Variants in ZNF331 observed in about 807,000 individuals in gnomAD.
ZNF331 encodes C2H2-like zinc finger protein rearranged in thyroid adenomas.
Under a neutral mutation model 7.0 loss-of-function variants are expected in ZNF331, and 2 were observed. That is an observed-to-expected ratio of 0.29 (90% CI 0.12 to 0.90). The LOEUF (loss-of-function observed/expected upper bound fraction) is 0.90. Ranked by LOEUF, ZNF331 falls within the 40% of genes least tolerant of loss-of-function variation. ZNF331 has a pLI of 0.58. For missense variants in ZNF331, 432 were observed against 587.7 expected, an observed-to-expected ratio of 0.74 and a Z score of 2.74; for synonymous variants, 196 against 205.4, an observed-to-expected ratio of 0.95 and a Z score of 0.39.
intron 3 of ZNF331, among the ~76,000 whole-genome samples, chr19:53,562,691 A>G (rs2089951582): frequency 6.6e-6 from 1 of 151,532 alleles, no homozygotes; most frequent in Admixed American, 6.6e-5. Context: ...ATCCCATCTC[A>G]AAAAGAAAAA....
rs561255295 is a variant in ZNF331, at chr19:53,565,720, G to A, written c.-73-3584G>A. On this transcript the variant is annotated intron_variant, in intron 3 of 5. Coordinates refer to ENST00000449416, the MANE Select transcript of ZNF331 (RefSeq NM_001079906.2). ...ATTTGTATTTTTCTAGTAGGGACGG[G>A]GTTTCACCATGTTGGCCAGGCTGGT... is the stretch of plus-strand genomic sequence containing the variant. Among the ~76,000 whole-genome samples, 24 of 151,878 alleles carry A rather than the reference G, an allele frequency of 1.6e-4. 1 individual carries two copies. The highest frequency in any genetic ancestry group is 2.9e-5 in the Non-Finnish European group (2 of 67,942).
intron 3 of ZNF331, among the ~76,000 whole-genome samples, chr19:53,564,805 T>C (rs2090077070): frequency 1.3e-5 from 2 of 152,204 alleles, no homozygotes; most frequent in Non-Finnish European, 2.9e-5. Context: ...CTGGTTGTGA[T>C]ATTTTACTGT....
rs2089593194 is a variant in ZNF331, at chr19:53,558,795, A to C, written c.-74+2887A>C. ...CCAGGAACCATGGACAAGAACATAC[A>C]GACACACTCATACCCCATATATACA... On this transcript the variant is annotated intron_variant, in intron 3 of 5. Coordinates refer to ENST00000449416, the MANE Select transcript of ZNF331 (RefSeq NM_001079906.2). The surrounding 1 kb of genome is among the most constrained non-coding windows in gnomAD (Gnocchi z 4.5). Among the ~76,000 whole-genome samples, 1 of 151,816 alleles carries C rather than the reference A, an allele frequency of 6.6e-6. No individual in the cohort carries two copies. Among genetic ancestry groups the C allele is most frequent in the African/African-American group, 2.4e-5 (1 of 41,244 alleles).
At chr19:53,565,253 G>A (rs1321342720) in intron 3 of ZNF331, among the ~76,000 whole-genome samples, 2 of 152,220 alleles carry the variant, frequency 1.3e-5, no homozygotes, top group Non-Finnish European at 2.9e-5. Flanking sequence ...ACATCATTCT[G>A]TGGACAGCCA....
At chr19:53,559,510 ACATATATACACACATATACACACACGC>A (rs1348550100) in intron 3 of ZNF331, among the ~76,000 whole-genome samples, 1 of 150,256 alleles carries the variant, frequency 6.7e-6, no homozygotes, top group African/African-American at 2.4e-5. Context: ...ATACACACCT[ACATATATACACACATATACACACACGC>A]CATATATACA....
intron 4 of ZNF331, among the ~76,000 whole-genome samples, chr19:53,570,497 G>A (rs1172138439): frequency 5.3e-5 from 8 of 152,202 alleles, no homozygotes; most frequent in Admixed American, 2.0e-4. Flanking sequence ...ATGATGAACT[G>A]GAGGCTTGAA....
intron 2 of ZNF331, among the ~76,000 whole-genome samples, chr19:53,550,684 C>G (rs1437932553): frequency 2.0e-5 from 3 of 150,932 alleles, no homozygotes; most frequent in Non-Finnish European, 4.4e-5. Flanking sequence ...TTACAGGCTC[C>G]TGCCACCACG....
intron 3 of ZNF331, among the ~76,000 whole-genome samples, chr19:53,567,545 C>G (rs2090216130): frequency 6.6e-6 from 1 of 152,096 alleles, no homozygotes; most frequent in African/African-American, 2.4e-5. Context: ...AAACCGCCCT[C>G]AGGTTCAACA....
intron 2 of ZNF331, among the ~76,000 whole-genome samples, chr19:53,528,651 T>A (rs1012564606): frequency 2.0e-5 from 3 of 152,246 alleles, no homozygotes; most frequent in African/African-American, 4.8e-5. Flanking sequence ...TGTACCTTTT[T>A]AAATCTACTT....
rs1387474257 is a variant in ZNF331, at chr19:53,571,172, G to A, written c.10-432G>A. Among the ~76,000 whole-genome samples the A allele has an allele frequency of 1.3e-5, 2 of 151,832 alleles. No individual in the cohort carries two copies. The highest frequency in any genetic ancestry group is 2.4e-5 in the African/African-American group (1 of 41,332). ...TTGGGATTACAGGCGTGAGCCCCCC[G>A]CCCAGCCCCAGCAAACCCTATTTTC... On this transcript the variant is annotated intron_variant, in intron 4 of 5. Transcript: ENST00000449416. The surrounding 1 kb of genome is among the most constrained non-coding windows in gnomAD (Gnocchi z 4.7).
chr19:53,550,444 TATC>T (rs764298362), intron 2 of ZNF331, among the ~76,000 whole-genome samples: 4 of 151,998 alleles, frequency 2.6e-5, no homozygotes, highest in Non-Finnish European at 5.9e-5. Context: ...ATAATTAATA[TATC>T]ATCTTGACTG....
At position 53,579,139 on chromosome 19, in the gene ZNF331, C is replaced by G; in HGVS notation, c.*1187C>G. Reference sequence around the variant, plus strand: ...TGCTTACAGAATATCAGAAGTCATTCTAGAGGCAAATTTGAAGAGTGGAAA... The same window carrying G: ...TGCTTACAGAATATCAGAAGTCATTGTAGAGGCAAATTTGAAGAGTGGAAA... On this transcript the variant is annotated 3_prime_UTR_variant, in exon 6 of 6. Coordinates refer to ENST00000449416, the MANE Select transcript of ZNF331 (RefSeq NM_001079906.2). The G allele has an allele frequency of 4.9e-6, 1 of 202,586 alleles. No homozygotes were observed. The highest frequency in any genetic ancestry group is 1.0e-5 in the Non-Finnish European group (1 of 98,666). The allele number at this position is 202,586 out of a possible 1,614,324, so 12.5% of individuals were successfully genotyped here.
At chr19:53,519,742 G>A (rs1040108710), upstream of ZNF331, among the ~76,000 whole-genome samples, 2 of 152,154 alleles carry the variant, frequency 1.3e-5, no homozygotes, top group African/African-American at 4.8e-5. Context: ...CCCTTACAGA[G>A]AGAGCCTTGG....
intron 2 of ZNF331, among the ~76,000 whole-genome samples, chr19:53,544,095 CATG>C (rs1002819414): frequency 2.6e-5 from 4 of 151,252 alleles, no homozygotes; most frequent in Non-Finnish European, 4.4e-5. Flanking sequence ...GGCGTGGTGG[CATG>C]CACCTGTAGT....
rs144404152 is a variant in ZNF331, at chr19:53,569,874, C to T, written c.9+489C>T. Among the ~76,000 whole-genome samples the T allele has an allele frequency of 2.1e-4, 32 of 152,138 alleles. No homozygotes were observed. In the East Asian group the frequency reaches 4.4e-3, roughly 21 times the overall value. Reference sequence around the variant, plus strand: ...CTTTGAACAGAGGTCATGTTCCTGCCGGGAAACTGGAGGATAAATTTTATT... The same window carrying T: ...CTTTGAACAGAGGTCATGTTCCTGCTGGGAAACTGGAGGATAAATTTTATT... On this transcript the variant is annotated intron_variant, in intron 4 of 5. Transcript: ENST00000449416.
chr19:53,509,487 C>T, the ZNF331 span, among the ~76,000 whole-genome samples: 2 of 148,904 alleles, frequency 1.3e-5, no homozygotes, highest in Non-Finnish European at 3.0e-5. Flanking sequence ...TGGCAGGAGT[C>T]CAATCCTGCC....
Position 53,578,006 on chromosome 19 carries a change from TTTG to T in ZNF331, c.*57_*59del, listed in dbSNP as rs1367204125. On this transcript the variant is annotated 3_prime_UTR_variant, in exon 6 of 6. Transcript: ENST00000449416. ...GTATCTATGGTTTCGCTTTCCACAG[TTTG>T]TTACCTGCAGTCAACTGCAGTTCAA... The T allele has an allele frequency of 3.9e-6, 6 of 1,531,542 alleles. No homozygotes were observed. The highest frequency in any genetic ancestry group is 5.3e-6 in the Non-Finnish European group (6 of 1,139,162). The allele number at this position is 1,531,542 out of a possible 1,614,324, so 94.9% of individuals were successfully genotyped here. A position where few individuals can be genotyped will look rare whatever the true frequency, so the allele number is the denominator to read the frequency against.
upstream of ZNF331, among the ~76,000 whole-genome samples, chr19:53,519,189 C>T (rs150942449): frequency 6.6e-6 from 1 of 152,062 alleles, no homozygotes; most frequent in Non-Finnish European, 1.5e-5. Flanking sequence ...CCTCCCTTAC[C>T]TGAGCTCCAG....
intron 2 of ZNF331, among the ~76,000 whole-genome samples, chr19:53,525,812 G>T (rs773973489): frequency 1.1e-4 from 16 of 152,134 alleles, no homozygotes; most frequent in Admixed American, 7.9e-4. Flanking sequence ...TCTGCCTAAG[G>T]CTTCTAGTAC....
Sources: allele counts gnomAD v4.1 joint callset (sites outside exome capture counted in the v4.1 genomes callset), GRCh38; gene constraint gnomAD v4.1.1; non-coding constraint Gnocchi (gnomAD v3.1); transcripts MANE v1.5; gene names NCBI Gene and HGNC (gene_info 2026-07-23, HGNC 2026-07-21).